Variants in SYCP1 observed in about 807,000 individuals in gnomAD.
SYCP1 encodes the protein cancer/testis antigen 8.
In SYCP1, 64 loss-of-function variants were observed where a neutral mutation model predicts 153.1. The ratio of observed to expected loss-of-function variants is 0.42; its 90% CI spans 0.34 to 0.51. SYCP1 has a LOEUF of 0.51. Among genes scored for constraint, SYCP1 ranks in the 20% least tolerant of loss-of-function variants. The pLI is 0.06. For synonymous variants in SYCP1, 384 were observed against 341.8 expected, an observed-to-expected ratio of 1.12 and a Z score of -1.36; for missense variants, 997 against 1,049.0, an observed-to-expected ratio of 0.95 and a Z score of 0.68.
At position 114,885,983 on chromosome 1, in the gene SYCP1, G is replaced by A. The variant is rs74116165; in HGVS notation, c.1006-142G>A. Reference sequence around the variant, plus strand: ...TGAATTGAAATAAGAGTAGTGGGTGGGCATTCCAGGGTAGGAAGGAGGAAT... The same window carrying A: ...TGAATTGAAATAAGAGTAGTGGGTGAGCATTCCAGGGTAGGAAGGAGGAAT... On this transcript the variant is annotated intron_variant, in intron 13 of 31. Transcript: ENST00000369522. 1.9e-3 allele frequency: 1,038 copies of A among 537,194 alleles called. 7 individuals carry two copies. The highest frequency in any genetic ancestry group is 0.018 in the African/African-American group (903 of 50,784). The allele number at this position is 537,194 out of a possible 1,614,324, so 33.3% of individuals were successfully genotyped here.
intron 6 of SYCP1, 148 bp downstream of exon 6, chr1:114,858,859 A>G (rs1443958307): frequency 2.9e-6 from 2 of 689,038 alleles, no homozygotes; most frequent in African/African-American, 3.6e-5. Context: ...TTACATCAAT[A>G]CTGGATACAT....
chr1:114,949,475 T>G (rs1261926062), intron 27 of SYCP1, among the ~76,000 whole-genome samples: 1 of 152,210 alleles, frequency 6.6e-6, no homozygotes, highest in Non-Finnish European at 1.5e-5. Flanking sequence ...TTTCTTCTTT[T>G]GATAGTTAAG....
intron 15 of SYCP1, among the ~76,000 whole-genome samples, chr1:114,892,545 G>A: frequency 6.6e-6 from 1 of 152,186 alleles, no homozygotes; most frequent in Non-Finnish European, 1.5e-5. Flanking sequence ...GGTTGTGGCT[G>A]TGAGCAAGGT....
chr1:114,975,201 T>C (rs891965766), intron 27 of SYCP1, among the ~76,000 whole-genome samples: 4 of 151,770 alleles, frequency 2.6e-5, no homozygotes, highest in African/African-American at 7.2e-5. Flanking sequence ...AATTTTTGTG[T>C]TGTTGAGTTG....
In SYCP1 at chr1:114,944,536, A is replaced by T. The variant is rs1238504189; in HGVS notation, c.2043+81A>T. The T allele has an allele frequency of 3.6e-6, 3 of 826,808 alleles. No homozygotes were observed. In the Admixed American group the frequency reaches 9.2e-5, roughly 25 times the overall value. 51.2% of individuals were successfully genotyped at this position (826,808 alleles called of 1,614,324 possible). ...TAGGATTTTAAGAGGAAAGTAAAAA[A>T]ATCTTAACTATTAAATTACAATTTT... On this transcript the variant is annotated intron_variant, in intron 24 of 31. Coordinates refer to ENST00000369522, the MANE Select transcript of SYCP1 (RefSeq NM_003176.4).
intron 23 of SYCP1, among the ~76,000 whole-genome samples, chr1:114,928,035 G>A (rs1040477890): frequency 2.0e-5 from 3 of 152,046 alleles, no homozygotes; most frequent in African/African-American, 7.2e-5. Flanking sequence ...TTCCCAGGCT[G>A]ATCTGGAACT....
At chr1:114,872,032 G>C (rs1665181658) in intron 8 of SYCP1, among the ~76,000 whole-genome samples, 1 of 144,006 alleles carries the variant, frequency 6.9e-6, no homozygotes, top group Non-Finnish European at 1.5e-5. Context: ...GGCAGAGATG[G>C]GGTCTTGCTA....
Position 114,984,825 on chromosome 1 carries a change from A to C in SYCP1, c.2660A>C (p.Glu887Ala), listed in dbSNP as rs760856866. Residue 887 changes from glutamate (E) to alanine (A), a missense_variant, in exon 30 of 32, where the codon GAA (glutamate) becomes GCA (alanine). Physicochemically the swap from Glu to Ala is moderately radical, Grantham distance 107 (BLOSUM62 -1). This residue lies in a region of SYCP1 where 712 missense variants were observed against 682.9 expected (regional missense o/e 1.04). Coordinates refer to ENST00000369522, the MANE Select transcript of SYCP1 (RefSeq NM_003176.4). ...ESKKKRKMAF[E>A]FDINSDSSET... ...AAAAAAAAGAGAAAAATGGCCTTTG[A>C]ATTTGATATTAATTCAGATAGTTCA... The C allele has an allele frequency of 6.7e-7, 1 of 1,490,264 alleles. No homozygotes were observed. The allele number at this position is 1,490,264 out of a possible 1,614,324, so 92.3% of individuals were successfully genotyped here.
intron 27 of SYCP1, among the ~76,000 whole-genome samples, chr1:114,951,500 G>T (rs360679): frequency 0.51 from 77,623 of 152,074 alleles, 20,741 homozygotes; most frequent in Middle Eastern, 0.62. Flanking sequence ...TGAAAGGGCT[G>T]AGATTCTAGG....
At chr1:114,981,671 T>C (rs1344798112) in intron 29 of SYCP1, among the ~76,000 whole-genome samples, 159 bp downstream of exon 29, 1 of 152,086 alleles carries the variant, frequency 6.6e-6, no homozygotes, top group African/African-American at 2.4e-5. Flanking sequence ...AGACAAGGTC[T>C]TGCTGTGTTG....
chr1:114,896,342 T>C (rs1667057334), intron 16 of SYCP1, among the ~76,000 whole-genome samples: 2 of 152,228 alleles, frequency 1.3e-5, no homozygotes, highest in Non-Finnish European at 1.5e-5. Context: ...CTAATAATAA[T>C]GTTTTCAGTG....
intron 27 of SYCP1, among the ~76,000 whole-genome samples, chr1:114,966,877 G>T (rs1213541640): frequency 6.6e-6 from 1 of 151,926 alleles, no homozygotes; most frequent in Non-Finnish European, 1.5e-5. Flanking sequence ...TAGAGACAGG[G>T]TTTCACCATG....
chr1:114,960,628 G>T (rs185800907), intron 27 of SYCP1, among the ~76,000 whole-genome samples: 11 of 152,146 alleles, frequency 7.2e-5, no homozygotes, highest in African/African-American at 2.4e-4. Context: ...ATATCTCATT[G>T]TAGTTTTGAT....
chr1:114,914,129 T>C, intron 20 of SYCP1, 84 bp downstream of exon 20: 1 of 1,024,366 alleles, frequency 9.8e-7, no homozygotes, highest in Non-Finnish European at 1.4e-6. Context: ...TTAATTTAAA[T>C]TGGACTGCTG....
intron 29 of SYCP1, 74 bp downstream of exon 29, chr1:114,981,586 C>T: frequency 7.5e-7 from 1 of 1,330,872 alleles, no homozygotes; most frequent in Non-Finnish European, 1.0e-6. Flanking sequence ...CACCATATAT[C>T]TGGCATCACG....
At position 114,857,162 on chromosome 1, in the gene SYCP1, A is replaced by G. The variant is rs1288633282; in HGVS notation, c.194-70A>G. The G allele has an allele frequency of 4.5e-6, 5 of 1,107,492 alleles. No homozygotes were observed. In the African/African-American group the frequency reaches 7.8e-5, roughly 17 times the overall value. 68.6% of individuals were successfully genotyped at this position (1,107,492 alleles called of 1,614,324 possible). A position where few individuals can be genotyped will look rare whatever the true frequency, so the allele number is the denominator to read the frequency against. The stretch of plus-strand genomic sequence containing the variant: ...AAAAAAAAAAAAAAAAAAAAAGAGA[A>G]AAAAGAAAAAAAAAAAGAAAGAGAA... On this transcript the variant is annotated intron_variant, in intron 3 of 31. Coordinates refer to ENST00000369522, the MANE Select transcript of SYCP1 (RefSeq NM_003176.4).
chr1:114,870,423 C>T (rs762725334), intron 8 of SYCP1, among the ~76,000 whole-genome samples: 66 of 151,712 alleles, frequency 4.4e-4, no homozygotes, highest in Middle Eastern at 3.4e-3. Context: ...ATTTGCCATC[C>T]ATATGTCTCC....
At chr1:114,870,098 TG>T (rs1359005662) in intron 8 of SYCP1, among the ~76,000 whole-genome samples, 1 of 152,088 alleles carries the variant, frequency 6.6e-6, no homozygotes, top group Non-Finnish European at 1.5e-5. Flanking sequence ...ACTGCAGCCT[TG>T]AAATCCTGGG....
At chr1:114,986,524 C>T (rs1673515743) in intron 30 of SYCP1, among the ~76,000 whole-genome samples, 1 of 151,938 alleles carries the variant, frequency 6.6e-6, no homozygotes, top group Admixed American at 6.6e-5. Flanking sequence ...AAACATATTA[C>T]AGTATTATAG....
Sources: allele counts gnomAD v4.1 joint callset (sites outside exome capture counted in the v4.1 genomes callset), GRCh38; gene constraint gnomAD v4.1.1; regional missense constraint gnomAD v4.1.1; transcripts MANE v1.5; gene names NCBI Gene and HGNC (gene_info 2026-07-23, HGNC 2026-07-21).